The following EML6 variants were observed in gnomAD, a reference collection of about 807,000 sequenced individuals.
EML6 encodes EMAP like 6.
EML6 carries 154 observed loss-of-function variants against 240.1 expected under a neutral mutation model. The ratio of observed to expected loss-of-function variants is 0.64; its 90% CI spans 0.56 to 0.73. The LOEUF is 0.73. Among genes scored for constraint, EML6 ranks in the 30% least tolerant of loss-of-function variants. The pLI, the probability that EML6 is intolerant of heterozygous loss-of-function variation, is 0.00. For synonymous variants in EML6, 1,148 were observed against 899.0 expected, an observed-to-expected ratio of 1.28 and a Z score of -4.95; for missense variants, 2,964 against 2,474.6, an observed-to-expected ratio of 1.20 and a Z score of -4.20.
Position 54,806,567 on chromosome 2 carries a change from C to G in EML6, c.198-6665C>G, listed in dbSNP as rs572615125. Among the ~76,000 whole-genome samples the G allele has an allele frequency of 3.2e-4, 40 of 125,668 alleles. 1 individual carries two copies. The highest frequency in any genetic ancestry group is 1.7e-3 in the Admixed American group (16 of 9,562). The allele number at this position is 125,668 out of a possible 152,430, so 82.4% of individuals were successfully genotyped here. A position where few individuals can be genotyped will look rare whatever the true frequency, so the allele number is the denominator to read the frequency against. ...GGCGGAGGTTGCAGTGAGCTGAGAT[C>G]ACGCCCTTGCACTCCAGCCTGGGCA... is the stretch of plus-strand genomic sequence containing the variant. On this transcript the variant is annotated intron_variant, in intron 2 of 41. Transcript: ENST00000356458.
chr2:54,754,404 T>A (rs1684312327), intron 2 of EML6, among the ~76,000 whole-genome samples: 1 of 152,162 alleles, frequency 6.6e-6, no homozygotes, highest in Non-Finnish European at 1.5e-5. Flanking sequence ...AAGTTCATGG[T>A]AATTTCCTAT....
chr2:54,792,914 A>G (rs917767716), intron 2 of EML6, among the ~76,000 whole-genome samples: 1 of 152,222 alleles, frequency 6.6e-6, no homozygotes, highest in Admixed American at 6.5e-5. Flanking sequence ...AAAAAGCAAA[A>G]AAAAGAAATG....
chr2:54,884,084 C>T (rs1328203794), intron 17 of EML6, among the ~76,000 whole-genome samples: 1 of 152,226 alleles, frequency 6.6e-6, no homozygotes, highest in East Asian at 1.9e-4. Context: ...TCTATTCTGA[C>T]ACTGTCTACC....
chr2:54,968,767 A>G lies in EML6; in HGVS notation c.5851A>G (p.Ser1951Gly). ...YVVSTGGDDC[S>G]VFVWRCL ...GGTCAGCACTGGAGGAGACGACTGCAGGTACTAACGTAGCTGACCCAGTTC... is the reference window on the plus strand; with the variant it reads ...GGTCAGCACTGGAGGAGACGACTGCGGGTACTAACGTAGCTGACCCAGTTC... Residue 1951 changes from serine (S) to glycine (G), a missense_variant and splice_region_variant, in exon 41 of 42, where the codon AGT becomes GGT. By Grantham distance (56) the Ser-to-Gly change is moderately conservative. Coordinates refer to ENST00000356458, the MANE Select transcript of EML6 (RefSeq NM_001039753.4). 6.6e-7 allele frequency: 1 copy of G among 1,513,364 alleles called. No homozygotes were observed. The highest frequency in any genetic ancestry group is 9.0e-7 in the Non-Finnish European group (1 of 1,111,952). 93.7% of individuals were successfully genotyped at this position (1,513,364 alleles called of 1,614,324 possible). A position where few individuals can be genotyped will look rare whatever the true frequency, so the allele number is the denominator to read the frequency against.
rs1393725104 is a variant in EML6 at position 54,899,675 on chromosome 2, C to G, written c.3017C>G (p.Ala1006Gly). ...GAAGGAGAAGTGTGGGGGTTGGCAG[C>G]TCACCCTCTCCTGCCCATCTGTGCA... ...HMEGEVWGLA[A>G]HPLLPICATV... Residue 1006 changes from alanine to glycine, a missense_variant, in exon 22 of 42, where the codon GCT (alanine) becomes GGT (glycine). Ala to Gly is a moderately conservative substitution (Grantham distance 60, BLOSUM62 0). Coordinates refer to ENST00000356458, the MANE Select transcript of EML6 (RefSeq NM_001039753.4). 5.1e-6 allele frequency: 8 copies of G among 1,553,864 alleles called. No homozygotes were observed. Among genetic ancestry groups the G allele is most frequent in the Non-Finnish European group, 6.1e-6 (7 of 1,148,158 alleles).
At chr2:54,892,889 C>G (rs1384322759) in intron 19 of EML6, among the ~76,000 whole-genome samples, 1 of 152,208 alleles carries the variant, frequency 6.6e-6, no homozygotes, top group Non-Finnish European at 1.5e-5. Context: ...CACACATGCT[C>G]TTCCTGGCGC....
chr2:54,744,475 T>C (rs1683808938), intron 2 of EML6, among the ~76,000 whole-genome samples: 1 of 152,054 alleles, frequency 6.6e-6, no homozygotes, highest in African/African-American at 2.4e-5. Context: ...TGTGACTGGA[T>C]CTGGATTTTA....
intron 2 of EML6, among the ~76,000 whole-genome samples, chr2:54,732,997 C>G (rs1341740571): frequency 2.0e-5 from 3 of 152,194 alleles, no homozygotes; most frequent in Non-Finnish European, 4.4e-5. Context: ...AGAGGGTGCT[C>G]TTTGACCTCT....
intron 2 of EML6, among the ~76,000 whole-genome samples, chr2:54,737,035 G>A (rs758026769): frequency 3.3e-5 from 5 of 152,204 alleles, no homozygotes; most frequent in Admixed American, 6.5e-5. Flanking sequence ...TGGATTGGGT[G>A]GAGAGGGGTT....
Position 54,774,914 on chromosome 2 carries a change from C to T in EML6, c.198-38318C>T, listed in dbSNP as rs1034481438. ...CAAGTGGAAATACAGAAAGTGCTTACAACATGTAAAATTCTGTATTGTTGA... is the reference window on the plus strand; with the variant it reads ...CAAGTGGAAATACAGAAAGTGCTTATAACATGTAAAATTCTGTATTGTTGA... On this transcript the variant is annotated intron_variant, in intron 2 of 41. Transcript: ENST00000356458. The surrounding 1 kb of genome is among the most constrained non-coding windows in gnomAD (Gnocchi z 4.1). Among the ~76,000 whole-genome samples the T allele has an allele frequency of 6.6e-6, 1 of 152,220 alleles. No homozygotes were observed. The highest frequency in any genetic ancestry group is 1.5e-5 in the Non-Finnish European group (1 of 68,040).
intron 3 of EML6, among the ~76,000 whole-genome samples, chr2:54,815,123 G>T (rs1287506471): frequency 6.6e-6 from 1 of 152,224 alleles, no homozygotes. Flanking sequence ...ATGTAATGCA[G>T]CAGAGGAAAA....
Position 54,869,249 on chromosome 2 carries a change from C to T in EML6, c.2120C>T (p.Ala707Val), listed in dbSNP as rs2103902159. 6.4e-7 allele frequency: 1 copy of T among 1,551,534 alleles called. No homozygotes were observed. The highest frequency in any genetic ancestry group is 8.7e-7 in the Non-Finnish European group (1 of 1,146,660). ...GCTGGAGAAGTAGTCTACCACATTGCTGCAGTTGCTGTCGTGTATAATCGG... is the reference window on the plus strand; with the variant it reads ...GCTGGAGAAGTAGTCTACCACATTGTTGCAGTTGCTGTCGTGTATAATCGG... Reference protein sequence around the residue: ...TQAGEVVYHIAAVAVVYNRQQ... With the variant: ...TQAGEVVYHIVAVAVVYNRQQ... The change falls in exon 15 of 42, where the codon GCT (alanine) becomes GTT (valine). Residue 707 changes from alanine to valine, a missense_variant. Physicochemically the swap from Ala to Val is moderately conservative, Grantham distance 64 (BLOSUM62 0). Coordinates refer to ENST00000356458, the MANE Select transcript of EML6 (RefSeq NM_001039753.4).
At chr2:54,819,560 G>C (rs1373408473) in intron 4 of EML6, among the ~76,000 whole-genome samples, 1 of 152,032 alleles carries the variant, frequency 6.6e-6, no homozygotes, top group African/African-American at 2.4e-5. Flanking sequence ...GGTGGATCAC[G>C]AGGTCACAAG....
intron 2 of EML6, among the ~76,000 whole-genome samples, chr2:54,738,249 G>A (rs1427848072): frequency 6.6e-6 from 1 of 152,130 alleles, no homozygotes; most frequent in Non-Finnish European, 1.5e-5. Context: ...CTTAAGAAGT[G>A]TTTGTTGAAT....
At position 54,957,931 on chromosome 2, in the gene EML6, A is replaced by G; in HGVS notation, c.4628A>G (p.Lys1543Arg). The G allele has an allele frequency of 6.4e-7, 1 of 1,551,694 alleles. No individual in the cohort carries two copies. Among genetic ancestry groups the G allele is most frequent in the Non-Finnish European group, 8.7e-7 (1 of 1,146,998 alleles). The change falls in exon 33 of 42, where the codon AAG becomes AGG. Residue 1543 changes from lysine (K) to arginine (R), a missense_variant. Lys to Arg is a conservative substitution (Grantham distance 26). Transcript: ENST00000356458. ...CTGGCAGGCAGCGCCTTGCTTTACAAGAAAGGGGTCATCGGGTCCCTGGGA... is the reference window on the plus strand; with the variant it reads ...CTGGCAGGCAGCGCCTTGCTTTACAGGAAAGGGGTCATCGGGTCCCTGGGA... ...WTLAGSALLY[K>R]KGVIGSLGAA...
chr2:54,727,173 C>CTTACTA (rs1320616482), intron 2 of EML6, among the ~76,000 whole-genome samples: 1 of 151,442 alleles, frequency 6.6e-6, no homozygotes, highest in Admixed American at 6.7e-5. Context: ...GGAGCCTTAA[C>CTTACTA]TGATGAAGGG....
intron 2 of EML6, among the ~76,000 whole-genome samples, chr2:54,729,263 A>T (rs1683050193): frequency 6.6e-6 from 1 of 152,248 alleles, no homozygotes; most frequent in South Asian, 2.1e-4. Flanking sequence ...CTCTCCCATG[A>T]GACCTTGTAC....
In EML6 at chr2:54,801,177, G is replaced by A. The variant is rs187760721; in HGVS notation, c.198-12055G>A. Among the ~76,000 whole-genome samples the A allele has an allele frequency of 1.2e-3, 175 of 152,052 alleles. 2 individuals are homozygous for A. Among genetic ancestry groups the A allele is most frequent in the African/African-American group, 4.0e-3 (165 of 41,478 alleles). ...CTACTAAAAATACAAAAAATCAGCC[G>A]GGCATGGTGGTGGGCGCCTGTAGTC... On this transcript the variant is annotated intron_variant, in intron 2 of 41. Coordinates refer to ENST00000356458, the MANE Select transcript of EML6 (RefSeq NM_001039753.4).
chr2:54,769,883 C>T (rs1668337841), intron 2 of EML6, among the ~76,000 whole-genome samples: 1 of 152,172 alleles, frequency 6.6e-6, no homozygotes. Flanking sequence ...TGACCAATTC[C>T]TCCCAGTTTT....
Sources: gnomAD v4.1 joint callset for allele counts (sites outside exome capture counted in the v4.1 genomes callset) on GRCh38, gnomAD v4.1.1 for gene constraint, Gnocchi (gnomAD v3.1) non-coding constraint, MANE v1.5 for transcripts, NCBI Gene and HGNC (gene_info 2026-07-23, HGNC 2026-07-21) for gene names.